ZCCHC7: variants seen among roughly 807,000 people sequenced by gnomAD.
ZCCHC7 encodes the protein zinc finger CCHC-type containing 7.
A neutral mutation model predicts 52.0 loss-of-function variants in ZCCHC7; 35 were observed. That is an observed-to-expected ratio of 0.67 (90% confidence interval 0.51 to 0.89). The LOEUF (loss-of-function observed/expected upper bound fraction) is 0.89. Among genes scored for constraint, ZCCHC7 ranks in the 40% least tolerant of loss-of-function variants. ZCCHC7 has a pLI of 0.00. For synonymous variants in ZCCHC7, 217 were observed against 221.5 expected, an observed-to-expected ratio of 0.98 and a Z score of 0.18; for missense variants, 574 against 649.1, an observed-to-expected ratio of 0.88 and a Z score of 1.26.
intron 2 of ZCCHC7, among the ~76,000 whole-genome samples, chr9:37,224,801 C>T (rs1280078968): frequency 6.6e-6 from 1 of 152,192 alleles, no homozygotes; most frequent in African/African-American, 2.4e-5. Context: ...CAATGAACCT[C>T]TTGAGAGTCT....
At chr9:37,164,441 TTAGA>T (rs58626855) in intron 2 of ZCCHC7, among the ~76,000 whole-genome samples, 28,118 of 139,274 alleles carry the variant, frequency 0.2, 2,912 homozygotes, top group Middle Eastern at 0.27. Flanking sequence ...TGAGACTGTC[TTAGA>T]TAGATAGATA....
At chr9:37,242,618 T>C (rs1405828202) in intron 2 of ZCCHC7, among the ~76,000 whole-genome samples, 1 of 151,828 alleles carries the variant, frequency 6.6e-6, no homozygotes, top group Non-Finnish European at 1.5e-5. Context: ...ATAGTACATA[T>C]TCCTGTATTA....
chr9:37,306,623 A>G (rs1380376207), intron 5 of ZCCHC7, among the ~76,000 whole-genome samples: 4 of 143,556 alleles, frequency 2.8e-5, no homozygotes, highest in Non-Finnish European at 6.1e-5. Context: ...GTGCCACCAC[A>G]CCTGGCTAAT....
At chr9:37,285,271 AAG>A (rs1828153737) in intron 2 of ZCCHC7, among the ~76,000 whole-genome samples, 1 of 152,176 alleles carries the variant, frequency 6.6e-6, no homozygotes, top group African/African-American at 2.4e-5. Context: ...AGCTGAGAGA[AAG>A]AGAAAATGTT....
At chr9:37,298,219 A>G (rs1341997745) in intron 2 of ZCCHC7, among the ~76,000 whole-genome samples, 5 of 152,338 alleles carry the variant, frequency 3.3e-5, no homozygotes, top group East Asian at 1.9e-4. Context: ...TGTGTAATAA[A>G]GATAGCAGAA....
chr9:37,172,665 G>A (rs1821794015), intron 2 of ZCCHC7, among the ~76,000 whole-genome samples: 1 of 152,230 alleles, frequency 6.6e-6, no homozygotes, highest in African/African-American at 2.4e-5. Flanking sequence ...TGAGCAATGT[G>A]GGCATTCCAA....
chr9:37,293,574 T>C (rs1828638867), intron 2 of ZCCHC7, among the ~76,000 whole-genome samples: 1 of 152,116 alleles, frequency 6.6e-6, no homozygotes, highest in Non-Finnish European at 1.5e-5. Context: ...TTGTGGACAG[T>C]TGGAGGTGGG....
chr9:37,219,174 T>C (rs1824682724), intron 2 of ZCCHC7, among the ~76,000 whole-genome samples: 1 of 152,194 alleles, frequency 6.6e-6, no homozygotes, highest in African/African-American at 2.4e-5. Context: ...ACTTCCAGAA[T>C]GGGCCAGGAA....
At chr9:37,208,026 A>G (rs1003863715) in intron 2 of ZCCHC7, among the ~76,000 whole-genome samples, 3 of 152,140 alleles carry the variant, frequency 2.0e-5, no homozygotes, top group African/African-American at 7.2e-5. Context: ...TGGTGTTCAC[A>G]TCAGTTTTTT....
At chr9:37,351,149 A>G (rs1346166652) in intron 7 of ZCCHC7, among the ~76,000 whole-genome samples, 1 of 152,134 alleles carries the variant, frequency 6.6e-6, no homozygotes, top group East Asian at 1.9e-4. Flanking sequence ...GGCAGCAGCA[A>G]CCGTGGGGGT....
chr9:37,202,973 A>C (rs912838556), intron 2 of ZCCHC7, among the ~76,000 whole-genome samples: 3 of 152,258 alleles, frequency 2.0e-5, no homozygotes, highest in Non-Finnish European at 4.4e-5. Context: ...AGTTATTGAC[A>C]ACTATTTCAG....
At chr9:37,350,141 T>C (rs934901768) in intron 7 of ZCCHC7, among the ~76,000 whole-genome samples, 1 of 150,764 alleles carries the variant, frequency 6.6e-6, no homozygotes, top group African/African-American at 2.4e-5. Context: ...TTTGGTTTTT[T>C]TTTTGAGACG....
intron 2 of ZCCHC7, among the ~76,000 whole-genome samples, chr9:37,285,612 A>T (rs1052502709): frequency 6.6e-6 from 1 of 152,164 alleles, no homozygotes; most frequent in Non-Finnish European, 1.5e-5. Context: ...TCAAATTTAT[A>T]TTTATCCTGC....
chr9:37,268,587 C>T (rs995688294), intron 2 of ZCCHC7, among the ~76,000 whole-genome samples: 1 of 152,032 alleles, frequency 6.6e-6, no homozygotes, highest in African/African-American at 2.4e-5. Context: ...CCACCATGCC[C>T]AGCTAATTTT....
chr9:37,276,040 A>G (rs1827669411), intron 2 of ZCCHC7, among the ~76,000 whole-genome samples: 1 of 152,204 alleles, frequency 6.6e-6, no homozygotes, highest in Non-Finnish European at 1.5e-5. Flanking sequence ...TTGCGAACAC[A>G]TGATATTGTT....
intron 2 of ZCCHC7, chr9:37,205,126 C>T (rs956153529): frequency 4.6e-5 from 10 of 219,488 alleles, no homozygotes; most frequent in Non-Finnish European, 8.2e-5. Flanking sequence ...TGCTTTAGCA[C>T]CTGCACAGTA....
intron 2 of ZCCHC7, among the ~76,000 whole-genome samples, chr9:37,209,176 G>T (rs925632890): frequency 6.6e-6 from 1 of 152,026 alleles, no homozygotes; most frequent in Admixed American, 6.5e-5. Context: ...GAGTAGCTGG[G>T]ACTACAGGCG....
intron 2 of ZCCHC7, among the ~76,000 whole-genome samples, chr9:37,258,809 C>T (rs1165822077): frequency 7.9e-6 from 1 of 127,098 alleles, no homozygotes; most frequent in Non-Finnish European, 1.6e-5. Flanking sequence ...GCTTAATTGT[C>T]AATATTTTAG....
In ZCCHC7 at chr9:37,305,680, G is replaced by C. The variant is rs760538457; in HGVS notation, c.917G>C (p.Cys306Ser). 6.2e-7 allele frequency: 1 copy of C among 1,614,138 alleles called. No homozygotes were observed. The highest frequency in any genetic ancestry group is 8.5e-7 in the Non-Finnish European group (1 of 1,180,020). The change falls in exon 5 of 9, where the codon TGT becomes TCT. Residue 306 changes from cysteine (C) to serine (S), a missense_variant. By Grantham distance (112) the Cys-to-Ser change is moderately radical. This residue lies in a region of ZCCHC7 where 403 missense variants were observed against 461.2 expected (regional missense o/e 0.87). Transcript: ENST00000336755. ...CLFRHSWDKQ[C>S]DRCHMLGHYT... ...TTCAGACATTCCTGGGATAAACAGTGTGACCGATGTCATATGCTAGGCCAC... is the reference window on the plus strand; with the variant it reads ...TTCAGACATTCCTGGGATAAACAGTCTGACCGATGTCATATGCTAGGCCAC...
Sources: allele counts gnomAD v4.1 joint callset (sites outside exome capture counted in the v4.1 genomes callset), GRCh38; gene constraint gnomAD v4.1.1; regional missense constraint gnomAD v4.1.1; transcripts MANE v1.5; gene names NCBI Gene and HGNC (gene_info 2026-07-23, HGNC 2026-07-21).